HSD17B12: variants seen among roughly 807,000 people sequenced by gnomAD.
HSD17B12 encodes hydroxysteroid 17-beta dehydrogenase 12.
Under a neutral mutation model 39.3 loss-of-function variants are expected in HSD17B12, and 32 were observed. The observed-to-expected ratio is 0.81, with a 90% CI of 0.61 to 1.09. The LOEUF is 1.09. HSD17B12 is among the 50% of genes least tolerant of loss of function. HSD17B12 has a pLI of 0.00. For synonymous variants in HSD17B12, 150 were observed against 146.7 expected (o/e 1.02, Z -0.16); for missense variants, 342 against 382.9 (o/e 0.89, Z 0.89).
chr11:43,646,294 C>T, the HSD17B12 span: 1 of 152,322 alleles, frequency 6.6e-6, no homozygotes, highest in South Asian at 2.1e-4. Flanking sequence ...GAAAGTATTT[C>T]CTTCCCTCTA....
chr11:43,673,111 A>G, the HSD17B12 span: 1 of 152,234 alleles, frequency 6.6e-6, no homozygotes, highest in Non-Finnish European at 1.5e-5. Flanking sequence ...TGAAGGATTC[A>G]GCTATGTCCC....
chr11:43,784,693 G>A (rs1480852162), intron 3 of HSD17B12, among the ~76,000 whole-genome samples: 1 of 152,116 alleles, frequency 6.6e-6, no homozygotes, highest in Non-Finnish European at 1.5e-5. Context: ...CAGCAAGCAA[G>A]TTCTTATTAC....
the HSD17B12 span, among the ~76,000 whole-genome samples, chr11:43,577,222 G>A: frequency 1.3e-5 from 2 of 152,368 alleles, 1 homozygote; most frequent in Admixed American, 1.3e-4. Flanking sequence ...GCCAGGGGGC[G>A]GGGTTGGCGC....
At chr11:43,792,052 A>C (rs1217537886) in intron 3 of HSD17B12, among the ~76,000 whole-genome samples, 1 of 152,212 alleles carries the variant, frequency 6.6e-6, no homozygotes, top group Non-Finnish European at 1.5e-5. Flanking sequence ...AGTCAGATCA[A>C]TTATTCCCTT....
chr11:43,590,656 A>G, the HSD17B12 span, among the ~76,000 whole-genome samples: 1 of 151,144 alleles, frequency 6.6e-6, no homozygotes, highest in Non-Finnish European at 1.5e-5. Flanking sequence ...GACTACAGGT[A>G]CATGCCACCA....
intron 1 of HSD17B12, among the ~76,000 whole-genome samples, chr11:43,709,373 G>A (rs765061860): frequency 1.3e-5 from 2 of 152,218 alleles, no homozygotes; most frequent in Non-Finnish European, 2.9e-5. Context: ...TGATCCGCCT[G>A]CCTTGGCCTC....
At chr11:43,652,685 T>C in the HSD17B12 span, among the ~76,000 whole-genome samples, 1 of 151,828 alleles carries the variant, frequency 6.6e-6, no homozygotes, top group East Asian at 1.9e-4. Context: ...AAAATACACA[T>C]GAAGAGATAC....
intron 1 of HSD17B12, among the ~76,000 whole-genome samples, chr11:43,740,124 A>G (rs1950350719): frequency 1.3e-5 from 2 of 152,192 alleles, no homozygotes; most frequent in African/African-American, 2.4e-5. Context: ...TTCAGTTTTT[A>G]TATAGTTGGC....
the HSD17B12 span, among the ~76,000 whole-genome samples, chr11:43,600,347 G>A: frequency 1.3e-5 from 2 of 151,190 alleles, no homozygotes; most frequent in African/African-American, 4.9e-5. Context: ...CAGCCCATTG[G>A]TACTGTTTCA....
At chr11:43,691,308 A>G (rs946705439) in intron 1 of HSD17B12, among the ~76,000 whole-genome samples, 8 of 152,184 alleles carry the variant, frequency 5.3e-5, no homozygotes, top group African/African-American at 1.9e-4. Flanking sequence ...GATTTTCACC[A>G]GCAGCCCAAA....
intron 6 of HSD17B12, among the ~76,000 whole-genome samples, chr11:43,817,607 C>G (rs1422045539): frequency 6.6e-6 from 1 of 152,080 alleles, no homozygotes; most frequent in Non-Finnish European, 1.5e-5. Flanking sequence ...ATAGGGTGTC[C>G]TTTCTCCACT....
intron 1 of HSD17B12, among the ~76,000 whole-genome samples, chr11:43,694,927 C>A (rs1341584934): frequency 6.6e-6 from 1 of 151,940 alleles, no homozygotes; most frequent in Non-Finnish European, 1.5e-5. Flanking sequence ...GTAACCCTAG[C>A]ACTTTGGGTG....
the HSD17B12 span, among the ~76,000 whole-genome samples, chr11:43,590,317 G>A: frequency 6.6e-6 from 1 of 151,158 alleles, no homozygotes; most frequent in Non-Finnish European, 1.5e-5. Context: ...TAGACTCTGG[G>A]TCAGTTAAAT....
At chr11:43,754,858 G>T (rs752848033) in intron 3 of HSD17B12, 1 of 760,030 alleles carries the variant, frequency 1.3e-6, no homozygotes, top group South Asian at 1.4e-5. Context: ...AAAATCTTTT[G>T]AACTTTCTTC....
At chr11:43,774,712 A>G (rs1434114204) in intron 3 of HSD17B12, among the ~76,000 whole-genome samples, 1 of 152,176 alleles carries the variant, frequency 6.6e-6, no homozygotes, top group Non-Finnish European at 1.5e-5. Context: ...ATTGGTACTT[A>G]TATTATTCTC....
chr11:43,705,761 C>CTTT (rs56979348), intron 1 of HSD17B12, among the ~76,000 whole-genome samples: 15 of 62,446 alleles, frequency 2.4e-4, no homozygotes, highest in African/African-American at 8.9e-4. Context: ...CCTCTCTCCT[C>CTTT]TTTTTTTTTT....
intron 6 of HSD17B12, among the ~76,000 whole-genome samples, chr11:43,824,866 C>T (rs1029518829): frequency 1.3e-5 from 2 of 152,128 alleles, no homozygotes; most frequent in Admixed American, 6.5e-5. Context: ...CATGGTGGCA[C>T]GTGCCTGTAA....
chr11:43,674,091 G>A, the HSD17B12 span, among the ~76,000 whole-genome samples: 1 of 152,148 alleles, frequency 6.6e-6, no homozygotes, highest in Admixed American at 6.5e-5. Context: ...GCTAATAAGA[G>A]GCAGAATCAG....
intron 3 of HSD17B12, among the ~76,000 whole-genome samples, chr11:43,767,547 C>T (rs991592108): frequency 6.6e-6 from 1 of 152,114 alleles, no homozygotes; most frequent in South Asian, 2.1e-4. Context: ...TTGTTTTGAT[C>T]ATCTTATTTT....
Sources: allele counts gnomAD v4.1 joint callset (sites outside exome capture counted in the v4.1 genomes callset), GRCh38; gene constraint gnomAD v4.1.1; transcripts MANE v1.5; gene names NCBI Gene and HGNC (gene_info 2026-07-23, HGNC 2026-07-21).